OPRM1: variants seen among roughly 807,000 people sequenced by gnomAD.
OPRM1 encodes opioid receptor mu 1.
A neutral mutation model predicts 31.8 loss-of-function variants in OPRM1; 27 were observed. That is an observed-to-expected ratio of 0.85 (90% CI 0.63 to 1.17). The LOEUF is 1.17. Among genes scored for constraint, OPRM1 ranks in the 50% most tolerant of loss-of-function variants. The pLI is 0.00. For synonymous variants in OPRM1, 196 were observed against 189.9 expected, an observed-to-expected ratio of 1.03 and a Z score of -0.26; for missense variants, 536 against 511.1, an observed-to-expected ratio of 1.05 and a Z score of -0.47.
intron 3 of OPRM1, among the ~76,000 whole-genome samples, chr6:154,186,710 T>C (rs9384184): frequency 0.68 from 103,291 of 151,308 alleles, 36,038 homozygotes; most frequent in East Asian, 0.89. Context: ...GCGCCCGCCA[T>C]CACGCCTGGC....
intron 3 of OPRM1, chr6:154,157,355 C>A (rs761957145): frequency 6.6e-6 from 1 of 152,266 alleles, no homozygotes; most frequent in Admixed American, 6.5e-5. Context: ...AATGAGCAGG[C>A]AATGGGGCTC....
Position 154,220,423 on chromosome 6 carries a change from G to A in OPRM1, c.1165-26270G>A, listed in dbSNP as rs530608186. Among the ~76,000 whole-genome samples, 405 of 152,266 alleles carry A rather than the reference G, an allele frequency of 2.7e-3. 2 individuals are homozygous for A. The highest frequency in any genetic ancestry group is 0.013 in the South Asian group (63 of 4,830). On this transcript the variant is annotated intron_variant, in intron 3 of 3. Transcript: ENST00000337049. The stretch of plus-strand genomic sequence containing the variant: ...CTTAGTTCCAGCACTTTGAGAGGCC[G>A]AGGTGGGTGGATCACTTGAGGTCAG...
intron 3 of OPRM1, among the ~76,000 whole-genome samples, chr6:154,202,728 A>C (rs1777170918): frequency 6.6e-6 from 1 of 152,198 alleles, no homozygotes; most frequent in African/African-American, 2.4e-5. Context: ...TGAGCATTAG[A>C]AATATCTGTG....
chr6:154,045,189 C>A (rs374199451), intron 1 of OPRM1, among the ~76,000 whole-genome samples: 1 of 152,036 alleles, frequency 6.6e-6, no homozygotes, highest in South Asian at 2.1e-4. Flanking sequence ...CGCACCACTG[C>A]ACTCCAGCCT....
intron 1 of OPRM1, among the ~76,000 whole-genome samples, chr6:154,081,385 A>AGTCCCAGCTACT (rs1789101322): frequency 6.6e-6 from 1 of 152,200 alleles, no homozygotes; most frequent in Non-Finnish European, 1.5e-5. Context: ...GGGCGCCTGT[A>AGTCCCAGCTACT]GTCCCAGCTA....
At chr6:154,115,572 G>T (rs1374723334) in intron 3 of OPRM1, among the ~76,000 whole-genome samples, 1 of 152,086 alleles carries the variant, frequency 6.6e-6, no homozygotes, top group African/African-American at 2.4e-5. Flanking sequence ...GAGAATAAGA[G>T]TTGGACCCTT....
chr6:154,067,459 T>C (rs1247755629), intron 1 of OPRM1, among the ~76,000 whole-genome samples: 2 of 151,800 alleles, frequency 1.3e-5, no homozygotes, highest in African/African-American at 4.8e-5. Context: ...ATTTTCCAGT[T>C]TTCTTTATGT....
chr6:154,186,045 C>T (rs1044936210), intron 3 of OPRM1, among the ~76,000 whole-genome samples: 1 of 152,218 alleles, frequency 6.6e-6, no homozygotes, highest in Non-Finnish European at 1.5e-5. Context: ...TCAGCCCTGA[C>T]CTCTTCCTTC....
intron 1 of OPRM1, among the ~76,000 whole-genome samples, chr6:154,040,884 C>T (rs510769): frequency 0.25 from 37,965 of 151,898 alleles, 4,824 homozygotes; most frequent in Admixed American, 0.3. Flanking sequence ...TATTCAAATA[C>T]TACATGTGAA....
At chr6:154,099,926 T>A (rs1306211336) in intron 3 of OPRM1, among the ~76,000 whole-genome samples, 28 of 139,380 alleles carry the variant, frequency 2.0e-4, no homozygotes, top group African/African-American at 7.3e-4. Context: ...TAACATGTAT[T>A]ATCATATTAT....
intron 3 of OPRM1, among the ~76,000 whole-genome samples, chr6:154,113,091 C>A (rs531376943): frequency 2.0e-4 from 31 of 152,216 alleles, no homozygotes; most frequent in Admixed American, 2.0e-3. Flanking sequence ...AATTCTCCTC[C>A]ATTCAGCCAG....
intron 1 of OPRM1, among the ~76,000 whole-genome samples, chr6:154,047,450 C>G (rs1400374249): frequency 1.3e-5 from 2 of 152,076 alleles, no homozygotes; most frequent in Non-Finnish European, 2.9e-5. Flanking sequence ...CTCTCTCTCT[C>G]TCTCTCTCTC....
intron 3 of OPRM1, among the ~76,000 whole-genome samples, chr6:154,246,098 T>C (rs1781017892): frequency 6.6e-6 from 1 of 152,030 alleles, no homozygotes; most frequent in African/African-American, 2.4e-5. Flanking sequence ...ACCAACCCAT[T>C]TGATAAAGAA....
At chr6:154,225,633 C>T (rs1721225214) in intron 3 of OPRM1, among the ~76,000 whole-genome samples, 1 of 152,086 alleles carries the variant, frequency 6.6e-6, no homozygotes, top group South Asian at 2.1e-4. Context: ...AAGGGGTTTC[C>T]TTTTGGGGTG....
chr6:154,194,469 A>G (rs1241608497), intron 3 of OPRM1, among the ~76,000 whole-genome samples: 1 of 152,090 alleles, frequency 6.6e-6, no homozygotes, highest in Admixed American at 6.5e-5. Flanking sequence ...CCTTATTCAC[A>G]TTCTGTCTCT....
intron 3 of OPRM1, chr6:154,157,612 A>C (rs1798768531): frequency 6.6e-6 from 1 of 152,256 alleles, no homozygotes; most frequent in Non-Finnish European, 1.5e-5. Context: ...AAAGCATTCA[A>C]AGCTATTCAC....
intron 3 of OPRM1, among the ~76,000 whole-genome samples, chr6:154,224,835 A>G (rs1779132037): frequency 1.3e-5 from 2 of 152,178 alleles, no homozygotes. Context: ...TCATATGTAT[A>G]TTATATATAT....
At chr6:154,179,093 C>G (rs968389793) in intron 3 of OPRM1, among the ~76,000 whole-genome samples, 2 of 152,186 alleles carry the variant, frequency 1.3e-5, no homozygotes, top group African/African-American at 4.8e-5. Flanking sequence ...ATGGCTGATG[C>G]TTAGGTCTTC....
chr6:154,199,166 T>A (rs1206037150), intron 3 of OPRM1, among the ~76,000 whole-genome samples: 1 of 152,210 alleles, frequency 6.6e-6, no homozygotes, highest in Non-Finnish European at 1.5e-5. Flanking sequence ...CTGCACAAAG[T>A]GCATGCAAAT....
Sources: gnomAD v4.1 joint callset for allele counts (sites outside exome capture counted in the v4.1 genomes callset) on GRCh38, gnomAD v4.1.1 for gene constraint, MANE v1.5 for transcripts, NCBI Gene and HGNC (gene_info 2026-07-23, HGNC 2026-07-21) for gene names.